The following NLGN1 variants were observed in gnomAD, a reference collection of about 807,000 sequenced individuals.
NLGN1 encodes neuroligin-1.
Under a neutral mutation model 65.5 loss-of-function variants are expected in NLGN1, and 12 were observed. That is an observed-to-expected ratio of 0.18 (90% CI 0.12 to 0.30). The LOEUF (loss-of-function observed/expected upper bound fraction) is 0.30. NLGN1 is among the 10% of genes least tolerant of loss of function. NLGN1 has a pLI of 1.00. For synonymous variants in NLGN1, 350 were observed against 359.5 expected, an observed-to-expected ratio of 0.97 and a Z score of 0.30; for missense variants, 750 against 1,007.1, an observed-to-expected ratio of 0.74 and a Z score of 3.46.
intron 4 of NLGN1, among the ~76,000 whole-genome samples, chr3:173,815,468 A>G (rs1220582899): frequency 6.6e-6 from 1 of 152,032 alleles, no homozygotes; most frequent in African/African-American, 2.4e-5. Context: ...CTAGATTGCC[A>G]ACTTCATTAG....
intron 2 of NLGN1, among the ~76,000 whole-genome samples, chr3:173,493,980 C>T (rs1204097151): frequency 6.6e-6 from 1 of 151,698 alleles, no homozygotes; most frequent in Non-Finnish European, 1.5e-5. Flanking sequence ...TGCATTTTGC[C>T]TTACCAAAAA....
intron 4 of NLGN1, among the ~76,000 whole-genome samples, chr3:173,982,382 CAAAG>C (rs987771152): frequency 4.6e-5 from 7 of 151,720 alleles, no homozygotes; most frequent in African/African-American, 1.7e-4. Flanking sequence ...TTTCTTGAGA[CAAAG>C]AGAAAGAATA....
chr3:174,077,131 A>G (rs1741181760), intron 4 of NLGN1, among the ~76,000 whole-genome samples: 1 of 152,154 alleles, frequency 6.6e-6, no homozygotes, highest in African/African-American at 2.4e-5. Flanking sequence ...TACTAAATCA[A>G]TACACTGATG....
chr3:174,203,749 A>G lies in NLGN1; in HGVS notation c.647-71566A>G, dbSNP rs148152262. ...AAAGCAGGATCTTTTCCATAGATACATATTTTTCATAAGGTATATTTCTTC... is the reference window on the plus strand; with the variant it reads ...AAAGCAGGATCTTTTCCATAGATACGTATTTTTCATAAGGTATATTTCTTC... On this transcript the variant is annotated intron_variant, in intron 4 of 6. Transcript: ENST00000457714. 3.6e-3 allele frequency among the ~76,000 whole-genome samples: 554 copies of G among 152,302 alleles called. 5 individuals are homozygous for G. Among genetic ancestry groups the G allele is most frequent in the Non-Finnish European group, 3.1e-3 (209 of 68,022 alleles).
chr3:173,981,231 C>A (rs1718705037), intron 4 of NLGN1, among the ~76,000 whole-genome samples: 1 of 152,122 alleles, frequency 6.6e-6, no homozygotes, highest in African/African-American at 2.4e-5. Context: ...AAACATTGTG[C>A]TTAACAATAT....
chr3:173,405,003 T>C (rs1448912473), intron 1 of NLGN1, among the ~76,000 whole-genome samples: 5 of 152,110 alleles, frequency 3.3e-5, no homozygotes, highest in Non-Finnish European at 7.4e-5. Flanking sequence ...TTTTAACATA[T>C]ATCCATCTTT....
At chr3:173,558,213 A>G (rs1454166436) in intron 2 of NLGN1, among the ~76,000 whole-genome samples, 1 of 151,730 alleles carries the variant, frequency 6.6e-6, no homozygotes, top group East Asian at 1.9e-4. Context: ...CCTAATTGTA[A>G]TATTATTTTT....
chr3:174,013,161 G>T (rs1271332829), intron 4 of NLGN1, among the ~76,000 whole-genome samples: 2 of 152,196 alleles, frequency 1.3e-5, no homozygotes, highest in Non-Finnish European at 2.9e-5. Flanking sequence ...GCACAAAGCA[G>T]TGAATCTTGA....
chr3:174,177,428 GA>G (rs1463152822), intron 4 of NLGN1, among the ~76,000 whole-genome samples: 1 of 151,988 alleles, frequency 6.6e-6, no homozygotes, highest in African/African-American at 2.4e-5. Context: ...TAGAAGCGAT[GA>G]CCATATTGTT....
chr3:174,106,873 T>C (rs930851572), intron 4 of NLGN1, among the ~76,000 whole-genome samples: 1 of 151,916 alleles, frequency 6.6e-6, no homozygotes, highest in Non-Finnish European at 1.5e-5. Context: ...CTTTCTCCTT[T>C]TTTTTCTTCT....
intron 4 of NLGN1, among the ~76,000 whole-genome samples, chr3:174,269,046 A>G (rs573319768): frequency 3.9e-5 from 6 of 152,052 alleles, no homozygotes; most frequent in African/African-American, 1.4e-4. Flanking sequence ...TTTAGACAGT[A>G]ACCTTCAAGG....
intron 2 of NLGN1, among the ~76,000 whole-genome samples, chr3:173,482,687 A>C (rs935701537): frequency 6.6e-6 from 1 of 151,900 alleles, no homozygotes; most frequent in African/African-American, 2.4e-5. Flanking sequence ...GGGCAGAGAG[A>C]GCTGAGTGAA....
intron 3 of NLGN1, among the ~76,000 whole-genome samples, chr3:173,662,112 AG>A (rs1436444699): frequency 6.6e-6 from 1 of 151,988 alleles, no homozygotes; most frequent in African/African-American, 2.4e-5. Flanking sequence ...AGGATAAACA[AG>A]TTATCTTTCA....
intron 4 of NLGN1, among the ~76,000 whole-genome samples, chr3:174,143,864 T>A (rs1273959013): frequency 1.3e-5 from 2 of 152,164 alleles, no homozygotes; most frequent in African/African-American, 2.4e-5. Context: ...GTGTACCAAT[T>A]TTTTTTAATT....
chr3:173,605,104 C>T lies in NLGN1; in HGVS notation c.493+13C>T, dbSNP rs1304990895. ...CCGACTGAGGATGGTGAGTTTATTGCAGGAAAAACAGGGAGATATATTTAT... is the reference window on the plus strand; with the variant it reads ...CCGACTGAGGATGGTGAGTTTATTGTAGGAAAAACAGGGAGATATATTTAT... On this transcript the variant is annotated intron_variant, in intron 3 of 6. Transcript: ENST00000457714. 1 of 1,567,142 alleles carries T rather than the reference C, an allele frequency of 6.4e-7. No homozygotes were observed. Among genetic ancestry groups the T allele is most frequent in the Admixed American group, 1.9e-5 (1 of 53,352 alleles).
At chr3:173,827,880 A>G (rs1237002996) in intron 4 of NLGN1, among the ~76,000 whole-genome samples, 2 of 151,892 alleles carry the variant, frequency 1.3e-5, no homozygotes, top group Non-Finnish European at 2.9e-5. Context: ...TTTTTACTCT[A>G]TCTGAACTCT....
At chr3:173,851,150 CT>C (rs1274505337) in intron 4 of NLGN1, among the ~76,000 whole-genome samples, 1 of 152,228 alleles carries the variant, frequency 6.6e-6, no homozygotes, top group East Asian at 1.9e-4. Flanking sequence ...ATGCCCATTA[CT>C]TTTTTTGTCC....
At chr3:174,044,811 G>A (rs1733168298) in intron 4 of NLGN1, among the ~76,000 whole-genome samples, 1 of 152,112 alleles carries the variant, frequency 6.6e-6, no homozygotes, top group Admixed American at 6.5e-5. Flanking sequence ...GTAATTGAGT[G>A]ATGGGGGCAG....
intron 2 of NLGN1, among the ~76,000 whole-genome samples, chr3:173,505,783 A>G (rs1454141564): frequency 2.6e-5 from 4 of 152,088 alleles, no homozygotes; most frequent in Admixed American, 2.6e-4. Flanking sequence ...ATTTAGCACA[A>G]TTATTAAATA....
Sources: gnomAD v4.1 joint callset for allele counts (sites outside exome capture counted in the v4.1 genomes callset) on GRCh38, gnomAD v4.1.1 for gene constraint, MANE v1.5 for transcripts, NCBI Gene and HGNC (gene_info 2026-07-23, HGNC 2026-07-21) for gene names.